The following SAXO1 variants were observed in gnomAD, a reference collection of about 807,000 sequenced individuals.
SAXO1 encodes the protein 4930500O09Rik.
In SAXO1, 21 loss-of-function variants were observed where a neutral mutation model predicts 17.5. The ratio of observed to expected loss-of-function variants is 1.20; its 90% CI spans 0.85 to 1.72. SAXO1 has a LOEUF of 1.72. SAXO1 is among the 40% of genes most tolerant of loss of function. The pLI, the probability that SAXO1 is intolerant of heterozygous loss-of-function variation, is 0.00. For missense variants in SAXO1, 843 were observed against 596.0 expected, an observed-to-expected ratio of 1.41 and a Z score of -4.32; for synonymous variants, 274 against 216.5, an observed-to-expected ratio of 1.27 and a Z score of -2.33.
At chr9:18,975,937 G>A (rs1321595495) in intron 1 of SAXO1, among the ~76,000 whole-genome samples, 3 of 152,138 alleles carry the variant, frequency 2.0e-5, no homozygotes, top group Non-Finnish European at 4.4e-5. Flanking sequence ...CACGCAAACA[G>A]AATTACAAAG....
At chr9:18,971,016 A>G (rs1388279179) in intron 1 of SAXO1, among the ~76,000 whole-genome samples, 1 of 151,968 alleles carries the variant, frequency 6.6e-6, no homozygotes, top group Admixed American at 6.6e-5. Flanking sequence ...AATGGGGAGG[A>G]TAAATGGGTT....
At chr9:19,028,205 C>T in intron 1 of SAXO1, 1 of 1,098,924 alleles carries the variant, frequency 9.1e-7, no homozygotes, top group Non-Finnish European at 1.3e-6. Context: ...CAAAATAAAA[C>T]AAAACAAAAA....
chr9:18,933,988 G>A (rs558918033), intron 3 of SAXO1, among the ~76,000 whole-genome samples: 1 of 152,334 alleles, frequency 6.6e-6, no homozygotes, highest in South Asian at 2.1e-4. Context: ...GGAGCTTGCA[G>A]TGAGCCGAGA....
chr9:19,044,731 C>T (rs1836165363), intron 1 of SAXO1, among the ~76,000 whole-genome samples: 4 of 151,732 alleles, frequency 2.6e-5, no homozygotes, highest in Admixed American at 2.6e-4. Flanking sequence ...GGTGTGGTGG[C>T]GGGCGCCTGT....
intron 1 of SAXO1, among the ~76,000 whole-genome samples, chr9:18,963,211 A>G (rs1029610950): frequency 5.9e-5 from 9 of 152,256 alleles, no homozygotes; most frequent in Admixed American, 1.3e-4. Context: ...GCCTTGTAGT[A>G]TAGTTTGAAG....
intron 2 of SAXO1, among the ~76,000 whole-genome samples, chr9:18,947,448 T>C (rs74443936): frequency 0.01 from 1,545 of 152,308 alleles, 19 homozygotes; most frequent in African/African-American, 0.035. Context: ...CCATCAAGTC[T>C]GAACTCAATT....
At chr9:19,008,831 G>T (rs1214000459) in intron 1 of SAXO1, among the ~76,000 whole-genome samples, 1 of 152,174 alleles carries the variant, frequency 6.6e-6, no homozygotes, top group Non-Finnish European at 1.5e-5. Context: ...AGGTCCAGGA[G>T]CAACTGTGTC....
At chr9:18,952,727 A>C (rs1832082546) in intron 1 of SAXO1, among the ~76,000 whole-genome samples, 1 of 152,216 alleles carries the variant, frequency 6.6e-6, no homozygotes, top group Admixed American at 6.5e-5. Flanking sequence ...GTACAAGGAA[A>C]ATCTTCCACA....
At chr9:18,946,529 C>A (rs748208255) in intron 2 of SAXO1, among the ~76,000 whole-genome samples, 3 of 151,872 alleles carry the variant, frequency 2.0e-5, no homozygotes, top group Non-Finnish European at 4.4e-5. Context: ...AGGTTACCTG[C>A]CTGCCAAAGA....
At position 18,987,238 on chromosome 9, in the gene SAXO1, G is replaced by C. The variant is rs751027478; in HGVS notation, c.39-36301C>G. Reference sequence around the variant, plus strand: ...CACAGAGAAGAACTGGGAAACTTCAGATCTCACCCCTTCACCCAGGGAGAG... The same window carrying C: ...CACAGAGAAGAACTGGGAAACTTCACATCTCACCCCTTCACCCAGGGAGAG... On this transcript the variant is annotated intron_variant, in intron 1 of 3. Coordinates refer to ENST00000380534, the MANE Select transcript of SAXO1 (RefSeq NM_153707.4). Among the ~76,000 whole-genome samples the C allele has an allele frequency of 3.9e-5, 6 of 152,156 alleles. No individual in the cohort carries two copies. The South Asian group carries it at 1.2e-3, about 32-fold the overall frequency.
In SAXO1 at chr9:19,000,469, A is replaced by C. The variant is rs564948259; in HGVS notation, c.38+32402T>G. On this transcript the variant is annotated intron_variant, in intron 1 of 3. Transcript: ENST00000380534. The stretch of plus-strand genomic sequence containing the variant: ...AGGCCGCCCCACCGTCTGGGATGTG[A>C]GGAGTGCCTCTGCCCGCCCACTGCC... 1.1e-4 allele frequency among the ~76,000 whole-genome samples: 17 copies of C among 152,020 alleles called. No individual in the cohort carries two copies. The South Asian group carries it at 3.3e-3, about 30-fold the overall frequency.
rs149763980 is a variant in SAXO1 at position 19,048,776 on chromosome 9, A to C, written c.-158+433T>G. Among the ~76,000 whole-genome samples the C allele has an allele frequency of 3.3e-5, 5 of 152,370 alleles. No homozygotes were observed. In the East Asian group the frequency reaches 9.6e-4, roughly 29 times the overall value. On this transcript the variant is annotated intron_variant, in intron 1 of 3. Coordinates refer to the SAXO1 transcript ENST00000542071. ...TTCACAGGGTTACTGTGAGGATGGA[A>C]CTAATGCCTGGGATTCCACATTATC...
intron 1 of SAXO1, among the ~76,000 whole-genome samples, chr9:19,002,880 G>C (rs140958140): frequency 0.018 from 2,775 of 152,262 alleles, 85 homozygotes; most frequent in African/African-American, 0.061. Context: ...CATAGTATTG[G>C]AAGTTCTGCT....
chr9:19,021,173 C>T (rs144010562), intron 1 of SAXO1, among the ~76,000 whole-genome samples: 270 of 152,282 alleles, frequency 1.8e-3, no homozygotes, highest in African/African-American at 6.2e-3. Context: ...ACAGGCTGGA[C>T]CCAACCAGGA....
intron 1 of SAXO1, among the ~76,000 whole-genome samples, chr9:19,005,068 T>C (rs1834431977): frequency 6.6e-6 from 1 of 151,986 alleles, no homozygotes; most frequent in South Asian, 2.1e-4. Flanking sequence ...TAGGAATAAA[T>C]TTAACCAAGG....
At chr9:19,046,666 C>T (rs1292353810) in intron 1 of SAXO1, among the ~76,000 whole-genome samples, 2 of 150,984 alleles carry the variant, frequency 1.3e-5, no homozygotes, top group African/African-American at 4.9e-5. Context: ...CATGCCATTG[C>T]ACTCCAGCCT....
rs183418255 is a variant in SAXO1 at position 19,007,885 on chromosome 9, A to G, written c.38+24986T>C. 3.9e-5 allele frequency among the ~76,000 whole-genome samples: 6 copies of G among 152,228 alleles called. No individual in the cohort carries two copies. The East Asian group carries it at 9.7e-4, about 24-fold the overall frequency. ...ATGCCTGTTCTTTTATGTATTGTCT[A>G]TGGCTACTTTTGTACTACAAAGACA... On this transcript the variant is annotated intron_variant, in intron 1 of 3. Coordinates refer to ENST00000380534, the MANE Select transcript of SAXO1 (RefSeq NM_153707.4).
At chr9:18,979,059 T>C in intron 1 of SAXO1, among the ~76,000 whole-genome samples, 1 of 152,184 alleles carries the variant, frequency 6.6e-6, no homozygotes, top group East Asian at 1.9e-4. Flanking sequence ...GTAAGGAAAC[T>C]TAGATTATAT....
chr9:19,020,136 C>T (rs12377838), intron 1 of SAXO1, among the ~76,000 whole-genome samples: 25,987 of 151,942 alleles, frequency 0.17, 3,278 homozygotes, highest in African/African-American at 0.36. Flanking sequence ...TAAGTTAATG[C>T]TTCTTCACAG....
Sources: gnomAD v4.1 joint callset for allele counts (sites outside exome capture counted in the v4.1 genomes callset) on GRCh38, gnomAD v4.1.1 for gene constraint, MANE v1.5 for transcripts, NCBI Gene and HGNC (gene_info 2026-07-23, HGNC 2026-07-21) for gene names.